Variants in SMPX observed in about 807,000 individuals in gnomAD.
SMPX encodes the protein small muscle protein X-linked.
In SMPX, 2 loss-of-function variants were observed where a neutral mutation model predicts 6.3. That is an observed-to-expected ratio of 0.32 (90% CI 0.13 to 0.99). SMPX has a LOEUF of 0.99. Among genes scored for constraint, SMPX ranks in the 50% least tolerant of loss-of-function variants. SMPX has a pLI of 0.49. For synonymous variants in SMPX, 32 were observed against 24.7 expected, an observed-to-expected ratio of 1.30 and a Z score of -0.88; for missense variants, 60 against 66.8, an observed-to-expected ratio of 0.90 and a Z score of 0.36.
At chrX:21,753,426 C>T (rs1187623345) in intron 2 of SMPX, among the ~76,000 whole-genome samples, 1 of 111,450 alleles carries the variant, frequency 9.0e-6, no homozygotes, top group Non-Finnish European at 1.9e-5. Flanking sequence ...TGTGATGGTG[C>T]ATCAGGCCTA....
At chrX:21,721,090 T>C (rs1443076298) in intron 4 of SMPX, among the ~76,000 whole-genome samples, 1 of 111,760 alleles carries the variant, frequency 8.9e-6, no homozygotes, top group Admixed American at 9.4e-5. Flanking sequence ...CAGGGTAGGG[T>C]ACATATCTGG....
At chrX:21,715,308 G>GCA (rs199578204) in intron 4 of SMPX, among the ~76,000 whole-genome samples, 1 of 105,392 alleles carries the variant, frequency 9.5e-6, no homozygotes, top group Non-Finnish European at 1.9e-5. Flanking sequence ...GTGTGTGCGC[G>GCA]CACGCGCGCG....
intron 2 of SMPX, 102 bp from the exon 3 acceptor site, chrX:21,743,938 C>T (rs922998225): frequency 3.2e-6 from 2 of 618,573 alleles, no homozygotes; most frequent in Non-Finnish European, 2.7e-6. Context: ...CTGAAAAGTA[C>T]ATCTTCAAAG....
chrX:21,758,093 C>T lies in SMPX; in HGVS notation c.-164G>A, dbSNP rs1569310707. 1 of 329,411 alleles carries T rather than the reference C, an allele frequency of 3.0e-6. No homozygotes were observed. Among genetic ancestry groups the T allele is most frequent in the Non-Finnish European group, 5.9e-6 (1 of 170,016 alleles). 27.1% of individuals were successfully genotyped at this position (329,411 alleles called of 1,213,427 possible). A position where few individuals can be genotyped will look rare whatever the true frequency, so the allele number is the denominator to read the frequency against. On this transcript the variant is annotated 5_prime_UTR_variant, in exon 1 of 5. Transcript: ENST00000379494. Reference sequence around the variant, plus strand: ...TTCATGTGGCTGAAATAGCTCTGTGCCTCTCCCGGTATTGAGAACTGCTCC... The same window carrying T: ...TTCATGTGGCTGAAATAGCTCTGTGTCTCTCCCGGTATTGAGAACTGCTCC...
At chrX:21,706,459 CA>C in intron 4 of SMPX, 65 bp from the exon 5 acceptor site, 1 of 291,856 alleles carries the variant, frequency 3.4e-6, no homozygotes, top group East Asian at 8.0e-5. Flanking sequence ...GCATAATTGA[CA>C]AATAAAAATG....
At chrX:21,714,721 G>T (rs2092782339) in intron 4 of SMPX, among the ~76,000 whole-genome samples, 1 of 111,992 alleles carries the variant, frequency 8.9e-6, no homozygotes, top group South Asian at 3.7e-4. Context: ...TTTCTTAAAC[G>T]AAAATCAGTA....
intron 2 of SMPX, among the ~76,000 whole-genome samples, chrX:21,744,752 T>A (rs937245962): frequency 8.9e-6 from 1 of 112,546 alleles, no homozygotes; most frequent in Non-Finnish European, 1.9e-5. Context: ...GCCTTATGAG[T>A]AATTGGATAT....
intron 2 of SMPX, among the ~76,000 whole-genome samples, chrX:21,752,570 T>C (rs2092828553): frequency 9.0e-6 from 1 of 110,875 alleles, no homozygotes; most frequent in African/African-American, 3.3e-5. Context: ...CAGGCTGGAG[T>C]GCAGTGACGC....
intron 2 of SMPX, among the ~76,000 whole-genome samples, chrX:21,746,658 T>G (rs1045491075): frequency 6.0e-4 from 65 of 107,768 alleles, no homozygotes; most frequent in African/African-American, 5.4e-4. Flanking sequence ...GGGTTTTTTT[T>G]TTTTTTTTTT....
At chrX:21,735,861 C>A (rs1400530155) in intron 4 of SMPX, among the ~76,000 whole-genome samples, 2 of 111,574 alleles carry the variant, frequency 1.8e-5, no homozygotes, top group Non-Finnish European at 3.8e-5. Flanking sequence ...TGAAAGATTT[C>A]ATCTCAACTT....
intron 2 of SMPX, among the ~76,000 whole-genome samples, chrX:21,753,945 A>G (rs186311564): frequency 8.9e-6 from 1 of 112,877 alleles, no homozygotes; most frequent in African/African-American, 3.2e-5. Flanking sequence ...AATTGAATAT[A>G]TCCTCTATCA....
intron 4 of SMPX, among the ~76,000 whole-genome samples, chrX:21,721,650 G>A (rs979398068): frequency 8.9e-6 from 1 of 112,124 alleles, no homozygotes; most frequent in Non-Finnish European, 1.9e-5. Context: ...TTAACTGATA[G>A]CAAGTGGCAC....
At chrX:21,713,720 A>T (rs1330750649) in intron 4 of SMPX, among the ~76,000 whole-genome samples, 2 of 112,151 alleles carry the variant, frequency 1.8e-5, no homozygotes, top group East Asian at 5.6e-4. Flanking sequence ...GCTACAATTC[A>T]AGATTTGGGT....
intron 4 of SMPX, among the ~76,000 whole-genome samples, chrX:21,706,659 G>A (rs1008282036): frequency 9.0e-6 from 1 of 111,025 alleles, no homozygotes; most frequent in African/African-American, 3.3e-5. Context: ...CAATAGATCC[G>A]ATATGGTTTG....
intron 4 of SMPX, among the ~76,000 whole-genome samples, chrX:21,732,929 T>C (rs1242827207): frequency 2.7e-5 from 3 of 111,330 alleles, no homozygotes; most frequent in Non-Finnish European, 5.7e-5. Flanking sequence ...ACAGCAAGAA[T>C]ATGGCCATCT....
At chrX:21,740,882 G>T (rs1289799203) in intron 3 of SMPX, among the ~76,000 whole-genome samples, 1 of 112,443 alleles carries the variant, frequency 8.9e-6, no homozygotes, top group Admixed American at 9.4e-5. Context: ...GCTTAATAAT[G>T]ATAGTATTTC....
chrX:21,733,506 G>A, intron 4 of SMPX: 4 of 223,951 alleles, frequency 1.8e-5, no homozygotes, highest in Non-Finnish European at 1.7e-5. Context: ...CCACACATGT[G>A]GCCATGCTGC....
At chrX:21,736,283 T>A (rs1176907523) in intron 4 of SMPX, among the ~76,000 whole-genome samples, 1 of 111,762 alleles carries the variant, frequency 8.9e-6, no homozygotes, top group Non-Finnish European at 1.9e-5. Context: ...AGCGGGGCCC[T>A]ATCCGCCCCA....
intron 4 of SMPX, chrX:21,727,233 A>T (rs1385340182): frequency 2.7e-5 from 3 of 112,630 alleles, no homozygotes; most frequent in Non-Finnish European, 5.6e-5. Context: ...GCCAAGGTAA[A>T]TTCCAACTAG....
Sources: gnomAD v4.1 joint callset for allele counts (sites outside exome capture counted in the v4.1 genomes callset) on GRCh38, gnomAD v4.1.1 for gene constraint, MANE v1.5 for transcripts, NCBI Gene and HGNC (gene_info 2026-07-23, HGNC 2026-07-21) for gene names.